The following FBLN2 variants were observed in gnomAD, a reference collection of about 807,000 sequenced individuals.
FBLN2 encodes the protein fibulin 2, also known as fibulin-2.
Under a neutral mutation model 123.7 loss-of-function variants are expected in FBLN2, and 81 were observed. The ratio of observed to expected loss-of-function variants is 0.65; its 90% CI spans 0.55 to 0.79. The LOEUF (loss-of-function observed/expected upper bound fraction) is 0.79, where lower values mean the gene tolerates loss of function less well. FBLN2 is among the 30% of genes least tolerant of loss of function. The pLI is 0.00. For synonymous variants in FBLN2, 699 were observed against 701.4 expected, an observed-to-expected ratio of 1.00 and a Z score of 0.05; for missense variants, 1,603 against 1,681.3, an observed-to-expected ratio of 0.95 and a Z score of 0.81.
intron 5 of FBLN2, 55 bp from the exon 6 acceptor site, chr3:13,618,021 C>A: frequency 6.5e-7 from 1 of 1,545,984 alleles, no homozygotes; most frequent in Non-Finnish European, 8.9e-7. Context: ...CTGGTTGTCT[C>A]AGCCACCTAC....
chr3:13,633,954 AACACACACACAC>A (rs56947028), intron 16 of FBLN2, among the ~76,000 whole-genome samples: 8 of 112,902 alleles, frequency 7.1e-5, no homozygotes, highest in South Asian at 3.1e-4. Context: ...ACACACTGCA[AACACACACACAC>A]ACACACACAC....
In FBLN2 at chr3:13,629,803, T is replaced by C; in HGVS notation, c.2843-17T>C. 2 of 1,560,220 alleles carry C rather than the reference T, an allele frequency of 1.3e-6. No homozygotes were observed. Among genetic ancestry groups the C allele is most frequent in the South Asian group, 2.4e-5 (2 of 84,498 alleles). ...TTAGGGCCACCTACCCTGTACCTGC[T>C]GCCTGCCCTCCCACAGACGTGAATG... On this transcript the variant is annotated splice_polypyrimidine_tract_variant and intron_variant, in intron 13 of 17. Coordinates refer to ENST00000404922, the MANE Select transcript of FBLN2 (RefSeq NM_001004019.2).
chr3:13,638,034 C>A lies in FBLN2; in HGVS notation c.*115C>A. On this transcript the variant is annotated 3_prime_UTR_variant, in exon 18 of 18. Transcript: ENST00000404922. The stretch of plus-strand genomic sequence containing the variant: ...AACTTTGTAAATTAACTTAATTTTG[C>A]TGACTTGACTCCTGTGGCTTCTGGA... 9.9e-7 allele frequency: 1 copy of A among 1,005,220 alleles called. No individual in the cohort carries two copies. Among genetic ancestry groups the A allele is most frequent in the Non-Finnish European group, 1.5e-6 (1 of 679,002 alleles). 62.3% of individuals were successfully genotyped at this position (1,005,220 alleles called of 1,614,324 possible).
intron 5 of FBLN2, among the ~76,000 whole-genome samples, chr3:13,615,191 G>A (rs746561050): frequency 4.7e-4 from 71 of 152,250 alleles, no homozygotes; most frequent in Non-Finnish European, 8.8e-4. Context: ...AGCCTGATGA[G>A]GGTGCCCCAG....
At chr3:13,614,241 G>A (rs1425494639) in intron 5 of FBLN2, 77 bp downstream of exon 5, 7 of 1,422,940 alleles carry the variant, frequency 4.9e-6, no homozygotes, top group Non-Finnish European at 6.7e-6. Context: ...GGGACCCTGG[G>A]TCCATCATCA....
intron 5 of FBLN2, among the ~76,000 whole-genome samples, chr3:13,616,793 C>T (rs975417575): frequency 1.3e-5 from 2 of 152,216 alleles, no homozygotes; most frequent in African/African-American, 2.4e-5. Flanking sequence ...TTCTTTTCCA[C>T]TCTCACCTGC....
At chr3:13,565,526 C>T (rs751595369) in intron 1 of FBLN2, among the ~76,000 whole-genome samples, 2 of 152,174 alleles carry the variant, frequency 1.3e-5, no homozygotes, top group Admixed American at 6.5e-5. Context: ...TTTGGGAGGC[C>T]GAGACAGGGT....
intron 2 of FBLN2, among the ~76,000 whole-genome samples, chr3:13,578,912 G>T (rs985280243): frequency 6.6e-6 from 1 of 152,148 alleles, no homozygotes; most frequent in Non-Finnish European, 1.5e-5. Flanking sequence ...AAAATTAGCC[G>T]GGTGTGGTGG....
At chr3:13,555,021 C>T (rs952618718) in intron 1 of FBLN2, among the ~76,000 whole-genome samples, 5 of 151,340 alleles carry the variant, frequency 3.3e-5, no homozygotes, top group East Asian at 3.9e-4. Context: ...GGTGCGATTC[C>T]GGCTCACTGC....
chr3:13,630,668 C>T (rs756676707), intron 14 of FBLN2, 31 bp from the exon 15 acceptor site: 2 of 1,542,152 alleles, frequency 1.3e-6, no homozygotes, highest in Non-Finnish European at 8.8e-7. Flanking sequence ...GACTTGGGCC[C>T]TGCCATGACT....
chr3:13,633,759 C>T (rs550490310), intron 16 of FBLN2, among the ~76,000 whole-genome samples: 1 of 152,290 alleles, frequency 6.6e-6, no homozygotes, highest in East Asian at 1.9e-4. Context: ...TTAGACTCAG[C>T]CCTCTCACCT....
At chr3:13,619,438 T>C (rs971553408) in intron 7 of FBLN2, among the ~76,000 whole-genome samples, 1 of 152,180 alleles carries the variant, frequency 6.6e-6, no homozygotes, top group Non-Finnish European at 1.5e-5. Context: ...TTCTCTCTTC[T>C]CCTCCATCTC....
At chr3:13,584,426 A>C (rs906405890) in intron 2 of FBLN2, among the ~76,000 whole-genome samples, 3 of 152,164 alleles carry the variant, frequency 2.0e-5, no homozygotes, top group African/African-American at 7.2e-5. Flanking sequence ...CTCCCATCCC[A>C]GCTGAGTCAG....
chr3:13,614,146 G>C lies in FBLN2; in HGVS notation c.1711G>C (p.Ala571Pro), dbSNP rs367760110. The change falls in exon 5 of 18, where the codon GCA becomes CCA. Residue 571 changes from alanine to proline, a missense_variant. Physicochemically the swap from Ala to Pro is conservative, Grantham distance 27. Transcript: ENST00000404922. Reference protein sequence around the residue: ...VPEVRRPPEPAAAPRRVSEAE... With the variant: ...VPEVRRPPEPPAAPRRVSEAE... Reference sequence around the variant, plus strand: ...TGAGGTTCGCCGACCTCCAGAGCCCGCAGCTGCACCACGGAGAGGTGAGTG... The same window carrying C: ...TGAGGTTCGCCGACCTCCAGAGCCCCCAGCTGCACCACGGAGAGGTGAGTG... The C allele has an allele frequency of 6.2e-7, 1 of 1,612,166 alleles. No individual in the cohort carries two copies. The highest frequency in any genetic ancestry group is 8.5e-7 in the Non-Finnish European group (1 of 1,179,836).
At position 13,570,858 on chromosome 3, in the gene FBLN2, A is replaced by G; in HGVS notation, c.503A>G (p.Glu168Gly). Residue 168 changes from glutamate to glycine, a missense_variant, in exon 2 of 18, where the codon GAG becomes GGG. Glu to Gly is a moderately conservative substitution (Grantham distance 98, BLOSUM62 -2). Coordinates refer to ENST00000404922, the MANE Select transcript of FBLN2 (RefSeq NM_001004019.2). ...TGCCACTGCCCTGACGCCGGTGGAGAGCTCATCTGCTACCAGCTCCCCGGT... is the reference window on the plus strand; with the variant it reads ...TGCCACTGCCCTGACGCCGGTGGAGGGCTCATCTGCTACCAGCTCCCCGGT... ...RACHCPDAGG[E>G]LICYQLPGCH... is the part of the protein sequence containing the mutation. 6.2e-7 allele frequency: 1 copy of G among 1,610,394 alleles called. No individual in the cohort carries two copies. Among genetic ancestry groups the G allele is most frequent in the Non-Finnish European group, 8.5e-7 (1 of 1,178,778 alleles).
chr3:13,574,001 G>A lies in FBLN2; in HGVS notation c.1306+2340G>A, dbSNP rs574996755. Among the ~76,000 whole-genome samples the A allele has an allele frequency of 2.6e-5, 4 of 152,052 alleles. No homozygotes were observed. The East Asian group carries it at 5.8e-4, about 22-fold the overall frequency. On this transcript the variant is annotated intron_variant, in intron 2 of 17. Coordinates refer to ENST00000404922, the MANE Select transcript of FBLN2 (RefSeq NM_001004019.2). ...ACTTTCTGCCCCTGTGTCCACAGGC[G>A]GTGGCCTGAGCTCCCTGTAGCCCAC...
Position 13,638,292 on chromosome 3 carries a change from T to C in FBLN2, c.*373T>C. The C allele has an allele frequency of 2.2e-6, 1 of 452,700 alleles. No individual in the cohort carries two copies. The highest frequency in any genetic ancestry group is 1.8e-5 in the South Asian group (1 of 54,666). The allele number at this position is 452,700 out of a possible 1,614,324, so 28.0% of individuals were successfully genotyped here. On this transcript the variant is annotated 3_prime_UTR_variant, in exon 18 of 18. Transcript: ENST00000404922. Reference sequence around the variant, plus strand: ...CATGTTCCACTGTGATTAATTCTTTTCTTTTTTAAAAAATCATTTTAAAGT... The same window carrying C: ...CATGTTCCACTGTGATTAATTCTTTCCTTTTTTAAAAAATCATTTTAAAGT...
At position 13,609,526 on chromosome 3, in the gene FBLN2, C is replaced by T; in HGVS notation, c.1432C>T (p.His478Tyr). Residue 478 changes from histidine (H) to tyrosine (Y), a missense_variant, in exon 4 of 18, where the codon CAC (histidine) becomes TAC (tyrosine). Transcript: ENST00000404922. The part of the protein sequence containing the change: ...EDNVCRTAQR[H>Y]CCVSYLQEKS... ...CCTCTGTTTCAGGACAGCCCAGAGG[C>T]ACTGCTGTGTCTCCTACTTGCAGGA... The T allele has an allele frequency of 6.4e-7, 1 of 1,550,492 alleles. No individual in the cohort carries two copies. The highest frequency in any genetic ancestry group is 8.7e-7 in the Non-Finnish European group (1 of 1,146,696).
intron 4 of FBLN2, 46 bp downstream of exon 4, chr3:13,609,688 G>GGGGGGGGGGGGCCC: frequency 1.4e-5 from 7 of 512,588 alleles, no homozygotes; most frequent in Non-Finnish European, 2.5e-5. Flanking sequence ...GTGGGGCGGG[G>GGGGGGGGGGGGCCC]CGGGAGGCTG....
Sources: gnomAD v4.1 joint callset for allele counts (sites outside exome capture counted in the v4.1 genomes callset) on GRCh38, gnomAD v4.1.1 for gene constraint, MANE v1.5 for transcripts, NCBI Gene and HGNC (gene_info 2026-07-23, HGNC 2026-07-21) for gene names.